MYO7B: variants seen among roughly 807,000 people sequenced by gnomAD.
MYO7B encodes the protein unconventional myosin-VIIb.
In MYO7B, 212 loss-of-function variants were observed where a neutral mutation model predicts 259.7. The observed-to-expected ratio is 0.82, with a 90% confidence interval of 0.73 to 0.91. The LOEUF (loss-of-function observed/expected upper bound fraction) is 0.91. MYO7B is among the 40% of genes least tolerant of loss of function. The probability of loss-of-function intolerance (pLI) is 0.00; values close to 1 mark genes in which losing one functional copy is unlikely to be tolerated. For missense variants in MYO7B, 2,732 were observed against 2,813.5 expected, an observed-to-expected ratio of 0.97 and a Z score of 0.66; for synonymous variants, 1,197 against 1,166.4, an observed-to-expected ratio of 1.03 and a Z score of -0.54.
At position 127,637,622 on chromosome 2, in the gene MYO7B, G is replaced by A. The variant is rs75931810; in HGVS notation, c.*205G>A. 0.099 allele frequency: 46,095 copies of A among 467,344 alleles called. 2,608 individuals are homozygous for A. Among genetic ancestry groups the A allele is most frequent in the Middle Eastern group, 0.14 (249 of 1,816 alleles). The allele number at this position is 467,344 out of a possible 1,614,324, so 28.9% of individuals were successfully genotyped here. A position where few individuals can be genotyped will look rare whatever the true frequency, so the allele number is the denominator to read the frequency against. On this transcript the variant is annotated 3_prime_UTR_variant, in exon 48 of 48. Transcript: ENST00000409816. ...CAAAAGACGGGCCCAGAATGGGGTC[G>A]GGAGTCTCGGACCCCCAGGCTATTG...
In MYO7B at chr2:127,564,274, T is replaced by C. The variant is rs139876338; in HGVS notation, c.132+8T>C. ...GAAGATGACGAGGGCAAGGTCAGTG[T>C]TCTGGGGTTTCCTCTGGGCCCTGCC... On this transcript the variant is annotated splice_region_variant and intron_variant, in intron 3 of 47. Transcript: ENST00000409816. 1,410 of 1,553,878 alleles carry C rather than the reference T, an allele frequency of 9.1e-4. 12 individuals carry two copies. In the African/African-American group the frequency reaches 0.017, roughly 18 times the overall value.
rs530450691 is a variant in MYO7B at position 127,561,646 on chromosome 2, C to A, written c.18+1906C>A. Among the ~76,000 whole-genome samples, 9 of 152,318 alleles carry A rather than the reference C, an allele frequency of 5.9e-5. 1 individual carries two copies. The highest frequency in any genetic ancestry group is 1.3e-4 in the Admixed American group (2 of 15,296). ...GGGTCCCTGCCATAGGGCATTCCATCTTCACAGCAGCCCTGTGAAGCGGGC... is the reference window on the plus strand; with the variant it reads ...GGGTCCCTGCCATAGGGCATTCCATATTCACAGCAGCCCTGTGAAGCGGGC... On this transcript the variant is annotated intron_variant, in intron 2 of 47. Transcript: ENST00000409816.
In MYO7B at chr2:127,636,009, C is replaced by T; in HGVS notation, c.6006+102C>T. ...TGGGCTCCAAGATCACATGGGTGCA[C>T]ATGGGTGGTGTGGAGGGTGGGCTGG... On this transcript the variant is annotated intron_variant, in intron 44 of 47. Transcript: ENST00000409816. The surrounding 1 kb of genome is among the most constrained non-coding windows in gnomAD (Gnocchi z 4.5). 2 of 1,405,970 alleles carry T rather than the reference C, an allele frequency of 1.4e-6. No homozygotes were observed. The highest frequency in any genetic ancestry group is 1.9e-6 in the Non-Finnish European group (2 of 1,039,214). 87.1% of individuals were successfully genotyped at this position (1,405,970 alleles called of 1,614,324 possible).
Position 127,586,961 on chromosome 2 carries a change from C to T in MYO7B, c.1691-1431C>T, listed in dbSNP as rs1679328784. 6.6e-6 allele frequency among the ~76,000 whole-genome samples: 1 copy of T among 152,082 alleles called. No individual in the cohort carries two copies. The highest frequency in any genetic ancestry group is 1.9e-4 in the East Asian group (1 of 5,178). On this transcript the variant is annotated intron_variant, in intron 14 of 47. Transcript: ENST00000409816. The surrounding 1 kb of genome is among the most constrained non-coding windows in gnomAD (Gnocchi z 4.8). ...ACCCCCTGCCCAGCACCCAGTGCAG[C>T]CCCCCTGGTGCTGCTCCCCTCACAG...
At chr2:127,581,538 G>T (rs1021238886) in intron 10 of MYO7B, among the ~76,000 whole-genome samples, 1 of 152,182 alleles carries the variant, frequency 6.6e-6, no homozygotes, top group African/African-American at 2.4e-5. Context: ...GGCTGGCCCA[G>T]CACACTCTCT....
At chr2:127,557,347 T>C (rs1256159761) in intron 1 of MYO7B, among the ~76,000 whole-genome samples, 3 of 152,198 alleles carry the variant, frequency 2.0e-5, no homozygotes, top group Non-Finnish European at 4.4e-5. Context: ...TTTACGTTTC[T>C]CTGGTGCCTC....
At chr2:127,634,317 G>A in intron 41 of MYO7B, 28 bp downstream of exon 41, 1 of 1,500,360 alleles carries the variant, frequency 6.7e-7, no homozygotes, top group South Asian at 1.2e-5. Context: ...TGGGCAGACG[G>A]TGGGCGGACG....
At position 127,584,195 on chromosome 2, in the gene MYO7B, G is replaced by A; in HGVS notation, c.1417G>A (p.Glu473Lys). The A allele has an allele frequency of 1.2e-6, 2 of 1,613,986 alleles. No homozygotes were observed. The highest frequency in any genetic ancestry group is 1.7e-6 in the Non-Finnish European group (2 of 1,179,882). Residue 473 changes from glutamate (E) to lysine (K), a missense_variant, in exon 13 of 48, where the codon GAG (glutamate) becomes AAG (lysine). Around this residue, in one of 3 missense-constraint regions of MYO7B, gnomAD observed 1,906 missense variants for 2,026.4 expected, o/e 0.94. Transcript: ENST00000409816. The surrounding 1 kb of genome is among the most constrained non-coding windows in gnomAD (Gnocchi z 5.8). ...QFFVQHVFTM[E>K]QEEYRSENIS... ...CTTTGTGCAGCACGTGTTCACCATGGAGCAAGAGGAGTACCGCTCGGAGAA... is the reference window on the plus strand; with the variant it reads ...CTTTGTGCAGCACGTGTTCACCATGAAGCAAGAGGAGTACCGCTCGGAGAA...
Position 127,590,120 on chromosome 2 carries a change from C to G in MYO7B, c.1883C>G (p.Thr628Ser), listed in dbSNP as rs1452506177. The G allele has an allele frequency of 6.3e-7, 1 of 1,599,690 alleles. No homozygotes were observed. The highest frequency in any genetic ancestry group is 2.2e-5 in the East Asian group (1 of 44,538). ...KSADSNKRPS[T>S]LGSQFKQSLD... is the part of the protein sequence containing the mutation. ...GCAGACTCAAATAAACGGCCCTCCA[C>G]CTTAGGAAGCCAGTTCAAACAGTCT... is the stretch of plus-strand genomic sequence containing the variant. Residue 628 changes from threonine (T) to serine (S), a missense_variant, in exon 16 of 48, where the codon ACC becomes AGC. Around this residue, in one of 3 missense-constraint regions of MYO7B, gnomAD observed 1,906 missense variants for 2,026.4 expected, o/e 0.94. Coordinates refer to ENST00000409816, the MANE Select transcript of MYO7B (RefSeq NM_001393586.1). This position sits in a 1 kb window ranked among gnomAD's most constrained non-coding sequence, Gnocchi z 4.6.
Position 127,581,896 on chromosome 2 carries a change from G to T in MYO7B, c.1086G>T (p.Gln362His). ...FPTVMKLLEV[Q>H]HQELRDCLIK... Reference sequence around the variant, plus strand: ...GCCCCCACCTGCCTCCCCAGGTGCAGCACCAGGAGCTCCGGGACTGTCTGA... The same window carrying T: ...GCCCCCACCTGCCTCCCCAGGTGCATCACCAGGAGCTCCGGGACTGTCTGA... The change falls in exon 11 of 48, where the codon CAG (glutamine) becomes CAT (histidine). Residue 362 changes from glutamine to histidine, a missense_variant. Around this residue, in one of 3 missense-constraint regions of MYO7B, gnomAD observed 1,906 missense variants for 2,026.4 expected, o/e 0.94. Transcript: ENST00000409816. 1.2e-6 allele frequency: 2 copies of T among 1,613,772 alleles called. No individual in the cohort carries two copies. The highest frequency in any genetic ancestry group is 8.5e-7 in the Non-Finnish European group (1 of 1,179,852).
chr2:127,566,722 A>T lies in MYO7B; in HGVS notation c.365A>T (p.Tyr122Phe). Residue 122 changes from tyrosine (Y) to phenylalanine (F), a missense_variant, in exon 5 of 48, where the codon TAC (tyrosine) becomes TTC (phenylalanine). By Grantham distance (22) the Tyr-to-Phe change is conservative (BLOSUM62 3). Around this residue, in one of 3 missense-constraint regions of MYO7B, gnomAD observed 1,906 missense variants for 2,026.4 expected, o/e 0.94. Transcript: ENST00000409816. ...PLYTLEQVQL[Y>F]YSRHMGELPP... ...TACACCCTGGAGCAGGTACAGCTCT[A>T]CTACAGCCGCCATATGGGCGAGCTG... 2 of 1,612,018 alleles carry T rather than the reference A, an allele frequency of 1.2e-6. No individual in the cohort carries two copies.
rs17261971 is a variant in MYO7B at position 127,608,697 on chromosome 2, G to A, written c.2644-11G>A. On this transcript the variant is annotated splice_polypyrimidine_tract_variant and intron_variant, in intron 21 of 47. Transcript: ENST00000409816. ...GGGCCCCTGGGTAACCTTCCTCCAC[G>A]GGGTATGCAGGCGCCGCTGGTCATC... 209,412 of 1,604,020 alleles carry A rather than the reference G, an allele frequency of 0.13. 14,830 individuals carry two copies. Among genetic ancestry groups the A allele is most frequent in the Middle Eastern group, 0.18 (1,013 of 5,772 alleles).
intron 16 of MYO7B, 21 bp from the exon 17 acceptor site, chr2:127,592,773 G>A: frequency 6.2e-7 from 1 of 1,600,500 alleles, no homozygotes; most frequent in Non-Finnish European, 8.5e-7. Flanking sequence ...CGCTGGGTCA[G>A]CGCCCGGTGT....
chr2:127,632,858 T>G (rs1012757009), intron 39 of MYO7B, among the ~76,000 whole-genome samples: 3 of 152,200 alleles, frequency 2.0e-5, no homozygotes, highest in Non-Finnish European at 4.4e-5. Context: ...GCAGGTTGAC[T>G]GTAGGAGTGG....
chr2:127,625,078 T>C (rs756872668), intron 30 of MYO7B, among the ~76,000 whole-genome samples: 46 of 152,102 alleles, frequency 3.0e-4, no homozygotes, highest in Non-Finnish European at 3.5e-4. Flanking sequence ...GGAACTCAGA[T>C]GAGGAAACGC....
At position 127,631,199 on chromosome 2, in the gene MYO7B, C is replaced by A. The variant is rs1226302605; in HGVS notation, c.4938-7C>A. 6.3e-7 allele frequency: 1 copy of A among 1,592,004 alleles called. No homozygotes were observed. Among genetic ancestry groups the A allele is most frequent in the Admixed American group, 1.7e-5 (1 of 58,986 alleles). On this transcript the variant is annotated splice_polypyrimidine_tract_variant and splice_region_variant and intron_variant, in intron 36 of 47. Coordinates refer to ENST00000409816, the MANE Select transcript of MYO7B (RefSeq NM_001393586.1). The stretch of plus-strand genomic sequence containing the variant: ...GGCAGGCCTCACACCAGCCTCTAAC[C>A]TCACAGGGCTCCAGAGAAGGACATG...
At chr2:127,567,452 T>TGCCTG (rs1678401316) in intron 5 of MYO7B, among the ~76,000 whole-genome samples, 1 of 152,182 alleles carries the variant, frequency 6.6e-6, no homozygotes, top group Admixed American at 6.5e-5. Context: ...AGAGACTCCC[T>TGCCTG]GCCTGGCCTG....
rs559819413 is a variant in MYO7B, at chr2:127,592,881, C to A, written c.2080C>A (p.Arg694Ser). The A allele has an allele frequency of 1.9e-6, 3 of 1,609,798 alleles. No individual in the cohort carries two copies. Among genetic ancestry groups the A allele is most frequent in the African/African-American group, 2.7e-5 (2 of 74,996 alleles). Residue 694 changes from arginine to serine, a missense_variant, in exon 17 of 48, where the codon CGC (arginine) becomes AGC (serine). Physicochemically the swap from Arg to Ser is moderately radical, Grantham distance 110. Coordinates refer to ENST00000409816, the MANE Select transcript of MYO7B (RefSeq NM_001393586.1). ...CATCCGCAAGTCGGGCTTCCCCATCCGCTACACGTTCGAGGAGTTCTCGCA... is the reference window on the plus strand; with the variant it reads ...CATCCGCAAGTCGGGCTTCCCCATCAGCTACACGTTCGAGGAGTTCTCGCA... ...VHIRKSGFPI[R>S]YTFEEFSQRF...
rs1272065716 is a variant in MYO7B at position 127,546,816 on chromosome 2, C to T, written c.-24+10985C>T. Among the ~76,000 whole-genome samples the T allele has an allele frequency of 6.6e-6, 1 of 151,814 alleles. No individual in the cohort carries two copies. The highest frequency in any genetic ancestry group is 1.5e-5 in the Non-Finnish European group (1 of 67,938). ...TCCATCCATCCATCAATCCATTCAT[C>T]TGTTTGTTCATTCACCTATTCACCC... On this transcript the variant is annotated intron_variant, in intron 1 of 47. Transcript: ENST00000409816. This position sits in a 1 kb window ranked among gnomAD's most constrained non-coding sequence, Gnocchi z 4.2.
Sources: gnomAD v4.1 joint callset for allele counts (sites outside exome capture counted in the v4.1 genomes callset) on GRCh38, gnomAD v4.1.1 for gene constraint, gnomAD v4.1.1 regional missense constraint, Gnocchi (gnomAD v3.1) non-coding constraint, MANE v1.5 for transcripts, NCBI Gene and HGNC (gene_info 2026-07-23, HGNC 2026-07-21) for gene names.